PKIB: variants seen among roughly 807,000 people sequenced by gnomAD.
The protein encoded by PKIB is cAMP-dependent protein kinase inhibitor beta, also known as PKI-beta.
Under a neutral mutation model 4.5 loss-of-function variants are expected in PKIB, and 2 were observed. The ratio of observed to expected loss-of-function variants is 0.44; its 90% CI spans 0.18 to 1.39. The LOEUF is 1.39. PKIB is among the 40% of genes most tolerant of loss of function. The pLI, the probability that PKIB is intolerant of heterozygous loss-of-function variation, is 0.27. For synonymous variants in PKIB, 38 were observed against 36.0 expected (o/e 1.06, Z -0.20); for missense variants, 94 against 92.6 (o/e 1.02, Z -0.06).
chr6:122,519,106 A>C (rs1210813040), intron 2 of PKIB, among the ~76,000 whole-genome samples: 1 of 152,184 alleles, frequency 6.6e-6, no homozygotes. Context: ...ACTGCACAGC[A>C]GGAGGTGAAT....
intron 2 of PKIB, among the ~76,000 whole-genome samples, chr6:122,566,722 A>G (rs1773208108): frequency 6.6e-6 from 1 of 151,492 alleles, no homozygotes; most frequent in Admixed American, 6.6e-5. Context: ...TATAATATTC[A>G]TAATTCTCAA....
In PKIB at chr6:122,520,634, TGTGTG is replaced by T. The variant is rs1011933736; in HGVS notation, c.-248+42702_-248+42706del. 4.9e-4 allele frequency among the ~76,000 whole-genome samples: 74 copies of T among 151,746 alleles called. 1 individual carries two copies. The highest frequency in any genetic ancestry group is 1.8e-3 in the African/African-American group (74 of 41,332). The stretch of plus-strand genomic sequence containing the variant: ...CCTCTTCTTAAGCTCTCTCTGTAAA[TGTGTG>T]GTGTGGGCTGAAAGTTTATGTTCCC... On this transcript the variant is annotated intron_variant, in intron 2 of 6. Coordinates refer to the PKIB transcript ENST00000392491.
intron 2 of PKIB, among the ~76,000 whole-genome samples, chr6:122,531,991 C>T (rs1777272429): frequency 1.3e-5 from 2 of 152,208 alleles, no homozygotes; most frequent in Admixed American, 1.3e-4. Flanking sequence ...AGACTTACCA[C>T]ATTTTCAGTC....
intron 1 of PKIB, among the ~76,000 whole-genome samples, chr6:122,615,987 C>T (rs1774967522): frequency 6.6e-6 from 1 of 152,124 alleles, no homozygotes; most frequent in Admixed American, 6.6e-5. Context: ...CTCTATCAAA[C>T]TAATACAGTG....
chr6:122,512,070 A>ACCCCACAGTCCTTTTT (rs1466098316), intron 2 of PKIB, among the ~76,000 whole-genome samples: 1 of 152,170 alleles, frequency 6.6e-6, no homozygotes, highest in Non-Finnish European at 1.5e-5. Flanking sequence ...TTATACAGGC[A>ACCCCACAGTCCTTTTT]CCCCACAGTC....
chr6:122,697,827 G>T (rs1032393625), intron 3 of PKIB, among the ~76,000 whole-genome samples: 1 of 152,126 alleles, frequency 6.6e-6, no homozygotes. Context: ...TAACAATCTA[G>T]TGTCTAAAAC....
chr6:122,687,360 C>T (rs780958556), intron 3 of PKIB, among the ~76,000 whole-genome samples: 2 of 151,976 alleles, frequency 1.3e-5, no homozygotes, highest in African/African-American at 4.8e-5. Flanking sequence ...TGCTGTTTTG[C>T]TTACTGTAGC....
chr6:122,536,195 C>T (rs998232098), intron 2 of PKIB, among the ~76,000 whole-genome samples: 1 of 152,154 alleles, frequency 6.6e-6, no homozygotes, highest in Admixed American at 6.6e-5. Flanking sequence ...CTGCCTTGGC[C>T]TCCCAAAGTG....
At chr6:122,634,547 TC>T (rs1775834934) in intron 2 of PKIB, among the ~76,000 whole-genome samples, 1 of 151,790 alleles carries the variant, frequency 6.6e-6, no homozygotes, top group Non-Finnish European at 1.5e-5. Flanking sequence ...AAAGTTCTTC[TC>T]CCCCTCTCAG....
rs560628398 is a variant in PKIB, at chr6:122,667,188, A to G, written c.-75-7890A>G. Among the ~76,000 whole-genome samples, 32 of 152,278 alleles carry G rather than the reference A, an allele frequency of 2.1e-4. No homozygotes were observed. In the South Asian group the frequency reaches 6.2e-3, roughly 30 times the overall value. On this transcript the variant is annotated intron_variant, in intron 2 of 4. Coordinates refer to ENST00000368452, the MANE Select transcript of PKIB (RefSeq NM_181795.3). ...CTGGGGTTAGACTTAACTTTTTTCA[A>G]TTTATTTTATAATTAACATCAAAAT...
At chr6:122,650,979 C>G (rs1329560144) in intron 2 of PKIB, among the ~76,000 whole-genome samples, 2 of 152,170 alleles carry the variant, frequency 1.3e-5, no homozygotes, top group East Asian at 1.9e-4. Context: ...ACCCTTTGAG[C>G]TAAAATACTG....
chr6:122,634,155 C>T (rs1239551259), intron 2 of PKIB, among the ~76,000 whole-genome samples: 1 of 151,952 alleles, frequency 6.6e-6, no homozygotes, highest in East Asian at 1.9e-4. Context: ...AGGGATTAAA[C>T]AATGAGAACA....
At position 122,510,600 on chromosome 6, in the gene PKIB, C is replaced by T. The variant is rs1184317976; in HGVS notation, c.-248+32661C>T. 3.9e-5 allele frequency among the ~76,000 whole-genome samples: 6 copies of T among 152,266 alleles called. No homozygotes were observed. In the South Asian group the frequency reaches 6.2e-4, roughly 16 times the overall value. On this transcript the variant is annotated intron_variant, in intron 2 of 6. Transcript: ENST00000392491. ...AAGGCTCCCATTGGTTGAATTACAG[C>T]GTTGACTGCTTGCAAGTCAGTCAGC...
intron 2 of PKIB, among the ~76,000 whole-genome samples, chr6:122,572,831 G>A (rs1371329592): frequency 1.3e-5 from 2 of 152,010 alleles, no homozygotes; most frequent in Non-Finnish European, 2.9e-5. Context: ...AACATTCAAG[G>A]CTAGTATGAA....
chr6:122,680,035 T>A (rs537473387), intron 3 of PKIB, among the ~76,000 whole-genome samples: 1 of 152,304 alleles, frequency 6.6e-6, no homozygotes, highest in East Asian at 1.9e-4. Flanking sequence ...TAAAAATAGG[T>A]CAATTGTAGA....
chr6:122,658,210 T>C (rs1240885810), intron 2 of PKIB, among the ~76,000 whole-genome samples: 4 of 152,216 alleles, frequency 2.6e-5, no homozygotes, highest in African/African-American at 7.2e-5. Flanking sequence ...ACATAACTTA[T>C]ATTTGCAGAA....
At chr6:122,657,414 G>A (rs1038667803) in intron 2 of PKIB, among the ~76,000 whole-genome samples, 9 of 152,118 alleles carry the variant, frequency 5.9e-5, no homozygotes, top group Non-Finnish European at 1.3e-4. Context: ...CCCCCAAAAT[G>A]CAGCTATTTA....
chr6:122,665,009 T>C (rs192967610), intron 2 of PKIB, among the ~76,000 whole-genome samples: 86 of 152,334 alleles, frequency 5.6e-4, no homozygotes, highest in African/African-American at 2.0e-3. Flanking sequence ...ATGGCAGCCA[T>C]GAAGTATACA....
intron 3 of PKIB, among the ~76,000 whole-genome samples, chr6:122,598,612 C>A (rs947025194): frequency 1.3e-5 from 2 of 152,138 alleles, no homozygotes; most frequent in African/African-American, 4.8e-5. Flanking sequence ...AAGGGTATAT[C>A]TTCTGTCTGA....
Sources: allele counts gnomAD v4.1 joint callset (sites outside exome capture counted in the v4.1 genomes callset), GRCh38; gene constraint gnomAD v4.1.1; transcripts MANE v1.5; gene names NCBI Gene and HGNC (gene_info 2026-07-23, HGNC 2026-07-21).